The following PTPRD variants were observed in gnomAD, a reference collection of about 807,000 sequenced individuals.
PTPRD encodes receptor-type tyrosine-protein phosphatase delta.
Under a neutral mutation model 214.5 loss-of-function variants are expected in PTPRD, and 34 were observed. That is an observed-to-expected ratio of 0.16 (90% CI 0.12 to 0.21). The LOEUF is 0.21. PTPRD is among the 10% of genes least tolerant of loss of function. PTPRD has a pLI of 1.00. For missense variants in PTPRD, 2,545 were observed against 2,398.7 expected (o/e 1.06, Z -1.27); for synonymous variants, 1,128 against 845.7 (o/e 1.33, Z -5.79).
intron 2 of PTPRD, among the ~76,000 whole-genome samples, chr9:10,436,355 G>T (rs573396314): frequency 3.6e-4 from 54 of 151,704 alleles, no homozygotes; most frequent in Non-Finnish European, 7.2e-4. Context: ...TGCTCTATTT[G>T]CTTCTCCCAA....
chr9:9,839,621 T>C (rs903113029), intron 5 of PTPRD, among the ~76,000 whole-genome samples: 9 of 152,032 alleles, frequency 5.9e-5, no homozygotes, highest in African/African-American at 2.2e-4. Flanking sequence ...AAAATGGCCA[T>C]ACTGCCCAAG....
At chr9:10,210,796 C>CATATATATATATAT (rs35136618) in intron 3 of PTPRD, among the ~76,000 whole-genome samples, 188 of 76,364 alleles carry the variant, frequency 2.5e-3, no homozygotes, top group Non-Finnish European at 3.4e-3. Context: ...CAAAAAACTT[C>CATATATATATATAT]ATATATATAT....
In PTPRD at chr9:9,097,363, G is replaced by T. The variant is rs752261141; in HGVS notation, c.-142-78628C>A. Among the ~76,000 whole-genome samples the T allele has an allele frequency of 2.0e-5, 3 of 151,852 alleles. No homozygotes were observed. The East Asian group carries it at 5.8e-4, about 29-fold the overall frequency. On this transcript the variant is annotated intron_variant, in intron 10 of 45. Transcript: ENST00000381196. ...TGAATTAAGCTAAGGACTGGAGGAA[G>T]GGTTTAAAGAGGCCACAGGTTAGTA... is the stretch of plus-strand genomic sequence containing the variant.
At chr9:9,009,339 A>T (rs2099497747) in intron 11 of PTPRD, among the ~76,000 whole-genome samples, 1 of 152,124 alleles carries the variant, frequency 6.6e-6, no homozygotes, top group Admixed American at 6.6e-5. Context: ...GAATTGAAAT[A>T]TTGGGTTGCA....
chr9:8,845,413 C>A (rs1056523356), intron 11 of PTPRD, among the ~76,000 whole-genome samples: 1 of 152,208 alleles, frequency 6.6e-6, no homozygotes, highest in Non-Finnish European at 1.5e-5. Flanking sequence ...ATACTCCTCT[C>A]CTGGCTAGCT....
At chr9:10,451,078 G>A (rs775054752) in intron 2 of PTPRD, among the ~76,000 whole-genome samples, 1 of 151,834 alleles carries the variant, frequency 6.6e-6, no homozygotes, top group African/African-American at 2.4e-5. Context: ...TATGTTTTTA[G>A]TCCACCATAT....
intron 3 of PTPRD, among the ~76,000 whole-genome samples, chr9:10,089,409 G>A (rs1269865189): frequency 6.6e-6 from 1 of 151,420 alleles, no homozygotes; most frequent in Non-Finnish European, 1.5e-5. Context: ...AAAAAAGTAT[G>A]GCATGTAAAA....
intron 10 of PTPRD, among the ~76,000 whole-genome samples, chr9:9,101,611 G>A (rs12684548): frequency 0.095 from 14,396 of 152,104 alleles, 1,028 homozygotes; most frequent in African/African-American, 0.2. Flanking sequence ...TGTAGCACCT[G>A]ATTAAAAAAA....
chr9:10,290,198 T>C (rs2095489068), intron 3 of PTPRD, among the ~76,000 whole-genome samples: 1 of 152,138 alleles, frequency 6.6e-6, no homozygotes, highest in Non-Finnish European at 1.5e-5. Context: ...TATCAGAAGG[T>C]ACCCAAAATA....
intron 30 of PTPRD, among the ~76,000 whole-genome samples, chr9:8,473,057 C>T (rs1409830048): frequency 1.3e-5 from 2 of 152,110 alleles, no homozygotes; most frequent in African/African-American, 2.4e-5. Flanking sequence ...GCCGGAGAGA[C>T]GCATCTGAAC....
intron 9 of PTPRD, among the ~76,000 whole-genome samples, chr9:9,319,069 G>C (rs1374629161): frequency 6.6e-6 from 1 of 152,188 alleles, no homozygotes; most frequent in Non-Finnish European, 1.5e-5. Context: ...GGCTGCAATA[G>C]GCTTGACGAA....
At chr9:9,140,348 C>T (rs1347619879) in intron 10 of PTPRD, among the ~76,000 whole-genome samples, 2 of 152,168 alleles carry the variant, frequency 1.3e-5, no homozygotes, top group South Asian at 2.1e-4. Flanking sequence ...TACATACCCA[C>T]ATATTTAAAT....
intron 35 of PTPRD, among the ~76,000 whole-genome samples, chr9:8,424,123 G>A (rs1193227256): frequency 6.6e-6 from 1 of 152,104 alleles, no homozygotes; most frequent in East Asian, 1.9e-4. Context: ...GTTGTTGATA[G>A]ACTGTCTCTG....
chr9:9,904,631 A>C (rs2077132023), intron 5 of PTPRD, among the ~76,000 whole-genome samples: 2 of 152,062 alleles, frequency 1.3e-5, no homozygotes, highest in African/African-American at 2.4e-5. Flanking sequence ...AAAAGGATTA[A>C]ATGCAATAAT....
intron 4 of PTPRD, among the ~76,000 whole-genome samples, chr9:10,027,064 G>T (rs2096936882): frequency 6.6e-6 from 1 of 152,008 alleles, no homozygotes; most frequent in Admixed American, 6.6e-5. Context: ...AAATAAAAAG[G>T]GGCAATTCTT....
chr9:10,380,650 G>C (rs2097801255), intron 2 of PTPRD, among the ~76,000 whole-genome samples: 2 of 152,068 alleles, frequency 1.3e-5, no homozygotes, highest in African/African-American at 4.8e-5. Context: ...TGAGGCATTA[G>C]TGGAGTATTC....
At chr9:9,759,524 A>AC in intron 6 of PTPRD, among the ~76,000 whole-genome samples, 1 of 149,430 alleles carries the variant, frequency 6.7e-6, no homozygotes, top group South Asian at 2.2e-4. Context: ...TCAGAAAATG[A>AC]TGCAAACATC....
chr9:10,165,884 C>T (rs916429530), intron 3 of PTPRD, among the ~76,000 whole-genome samples: 6 of 150,670 alleles, frequency 4.0e-5, no homozygotes, highest in Admixed American at 2.6e-4. Context: ...AATTAAAGAA[C>T]ATTTAAATAT....
chr9:10,297,576 T>C (rs2095717594), intron 3 of PTPRD, among the ~76,000 whole-genome samples: 1 of 131,248 alleles, frequency 7.6e-6, no homozygotes, highest in East Asian at 2.1e-4. Context: ...CTGTAATGAG[T>C]TGTGTTTTTT....
Sources: gnomAD v4.1 joint callset for allele counts (sites outside exome capture counted in the v4.1 genomes callset) on GRCh38, gnomAD v4.1.1 for gene constraint, MANE v1.5 for transcripts, NCBI Gene and HGNC (gene_info 2026-07-23, HGNC 2026-07-21) for gene names.